The following RIMKLA variants were observed in gnomAD, a reference collection of about 807,000 sequenced individuals.
RIMKLA encodes the protein N-acetylaspartylglutamate synthase A.
Under a neutral mutation model 32.7 loss-of-function variants are expected in RIMKLA, and 14 were observed. That is an observed-to-expected ratio of 0.43 (90% CI 0.28 to 0.67). RIMKLA has a LOEUF of 0.67. Among genes scored for constraint, RIMKLA ranks in the 30% least tolerant of loss-of-function variants. RIMKLA has a pLI of 0.18. For synonymous variants in RIMKLA, 176 were observed against 204.1 expected (o/e 0.86, Z 1.18); for missense variants, 410 against 519.0 (o/e 0.79, Z 2.04).
chr1:42,385,099 C>T (rs148534486), intron 1 of RIMKLA, among the ~76,000 whole-genome samples: 22 of 152,196 alleles, frequency 1.4e-4, no homozygotes, highest in African/African-American at 4.8e-4. Context: ...TATATCCCCC[C>T]TCCCTCTGAA....
At chr1:42,391,511 G>A (rs1046160327) in intron 1 of RIMKLA, among the ~76,000 whole-genome samples, 17 of 152,044 alleles carry the variant, frequency 1.1e-4, no homozygotes, top group Non-Finnish European at 1.3e-4. Context: ...TTGGGGAAGC[G>A]GTGTCATTGG....
chr1:42,400,644 G>A (rs1643089075), intron 2 of RIMKLA, among the ~76,000 whole-genome samples: 1 of 152,214 alleles, frequency 6.6e-6, no homozygotes, highest in South Asian at 2.1e-4. Flanking sequence ...AAATGTGGGA[G>A]GAAAGAAGCT....
At position 42,393,749 on chromosome 1, in the gene RIMKLA, A is replaced by T. The variant is rs927997231; in HGVS notation, c.164-5655A>T. Among the ~76,000 whole-genome samples the T allele has an allele frequency of 5.3e-5, 8 of 152,296 alleles. No individual in the cohort carries two copies. In the East Asian group the frequency reaches 1.4e-3, roughly 26 times the overall value. On this transcript the variant is annotated intron_variant, in intron 1 of 4. Coordinates refer to ENST00000431473, the MANE Select transcript of RIMKLA (RefSeq NM_173642.4). ...TGACACATCTTCCTCACAACACAAG[A>T]TAATCTGAAGTGCTAAGTGGATTAT...
Position 42,422,509 on chromosome 1 carries a change from A to G in RIMKLA, c.*7535A>G, listed in dbSNP as rs1003782923. On this transcript the variant is annotated 3_prime_UTR_variant, in exon 5 of 5. Coordinates refer to ENST00000431473, the MANE Select transcript of RIMKLA (RefSeq NM_173642.4). ...AGCAATAACAGTGTTAACTTCTCCA[A>G]CAGAGACGAAATCATTTATAAATGA... 1 of 152,228 alleles carries G rather than the reference A, an allele frequency of 6.6e-6. No individual in the cohort carries two copies. Among genetic ancestry groups the G allele is most frequent in the Admixed American group, 6.5e-5 (1 of 15,274 alleles). The allele number at this position is 152,228 out of a possible 1,614,324, so 9.4% of individuals were successfully genotyped here.
chr1:42,420,662 A>T lies in RIMKLA; in HGVS notation c.*5688A>T, dbSNP rs1643287921. 6.6e-6 allele frequency: 1 copy of T among 152,200 alleles called. No individual in the cohort carries two copies. The highest frequency in any genetic ancestry group is 6.5e-5 in the Admixed American group (1 of 15,278). 9.4% of individuals were successfully genotyped at this position (152,200 alleles called of 1,614,324 possible). On this transcript the variant is annotated 3_prime_UTR_variant, in exon 5 of 5. Transcript: ENST00000431473. ...AGCGGAATTCGAGTGCCATCTCTTA[A>T]GGTGATGCATTTTTAATTCCCACTG...
At chr1:42,408,158 C>T (rs746728667) in intron 3 of RIMKLA, among the ~76,000 whole-genome samples, 6 of 152,142 alleles carry the variant, frequency 3.9e-5, no homozygotes, top group Non-Finnish European at 5.9e-5. Context: ...GATGCTGCAT[C>T]GTCCACACTT....
chr1:42,385,717 CTCTTTCTTTCTTTCTT>C (rs35500484), intron 1 of RIMKLA, among the ~76,000 whole-genome samples: 9,140 of 108,962 alleles, frequency 0.084, 967 homozygotes, highest in African/African-American at 0.23. Flanking sequence ...TTCTTTCCTT[CTCTTTCTTTCTTTCTT>C]TCTTTCTTTC....
At position 42,381,676 on chromosome 1, in the gene RIMKLA, C is replaced by T. The variant is rs1363720883; in HGVS notation, c.163+579C>T. Reference sequence around the variant, plus strand: ...TTTGATGGGTTTAACTCATCCTTCTCCCTAGCAGCGTTGAATTCTGATTCC... The same window carrying T: ...TTTGATGGGTTTAACTCATCCTTCTTCCTAGCAGCGTTGAATTCTGATTCC... On this transcript the variant is annotated intron_variant, in intron 1 of 4. Transcript: ENST00000431473. Among the ~76,000 whole-genome samples, 4 of 152,192 alleles carry T rather than the reference C, an allele frequency of 2.6e-5. No individual in the cohort carries two copies. The East Asian group carries it at 5.8e-4, about 22-fold the overall frequency.
At position 42,420,552 on chromosome 1, in the gene RIMKLA, C is replaced by T. The variant is rs2148399834; in HGVS notation, c.*5578C>T. 6.6e-6 allele frequency: 1 copy of T among 152,332 alleles called. No individual in the cohort carries two copies. The highest frequency in any genetic ancestry group is 1.9e-4 in the East Asian group (1 of 5,184). 9.4% of individuals were successfully genotyped at this position (152,332 alleles called of 1,614,324 possible). ...TTCCTTTTCTTAATTTGATTCCTGC[C>T]AACACCCTAACCGTCATGACTTCAC... On this transcript the variant is annotated 3_prime_UTR_variant, in exon 5 of 5. Coordinates refer to ENST00000431473, the MANE Select transcript of RIMKLA (RefSeq NM_173642.4).
chr1:42,419,135 T>C lies in RIMKLA; in HGVS notation c.*4161T>C, dbSNP rs1027293308. On this transcript the variant is annotated 3_prime_UTR_variant, in exon 5 of 5. Transcript: ENST00000431473. ...GATTCTTCTAAGGGCTATAATGTTATAATCTTTTCCTAAAACTAAATCATG... is the reference window on the plus strand; with the variant it reads ...GATTCTTCTAAGGGCTATAATGTTACAATCTTTTCCTAAAACTAAATCATG... The C allele has an allele frequency of 1.3e-5, 2 of 152,254 alleles. No homozygotes were observed. Among genetic ancestry groups the C allele is most frequent in the African/African-American group, 2.4e-5 (1 of 41,470 alleles). The allele number at this position is 152,254 out of a possible 1,614,324, so 9.4% of individuals were successfully genotyped here. A position where few individuals can be genotyped will look rare whatever the true frequency, so the allele number is the denominator to read the frequency against.
intron 1 of RIMKLA, among the ~76,000 whole-genome samples, chr1:42,382,433 A>G (rs1642897344): frequency 6.6e-6 from 1 of 152,152 alleles, no homozygotes; most frequent in Non-Finnish European, 1.5e-5. Flanking sequence ...TTGTCTTTGA[A>G]TCTCGGGATT....
intron 1 of RIMKLA, among the ~76,000 whole-genome samples, chr1:42,396,263 A>T (rs985725016): frequency 2.9e-5 from 4 of 140,052 alleles, no homozygotes; most frequent in African/African-American, 1.0e-4. Context: ...AAAAAAAAAG[A>T]ATGTCAGAGC....
intron 1 of RIMKLA, among the ~76,000 whole-genome samples, chr1:42,396,841 A>G (rs533181136): frequency 6.6e-6 from 1 of 152,300 alleles, no homozygotes; most frequent in South Asian, 2.1e-4. Context: ...CACATATATT[A>G]TCTCACTGTG....
chr1:42,381,962 A>C (rs145641971), intron 1 of RIMKLA, among the ~76,000 whole-genome samples: 138 of 152,332 alleles, frequency 9.1e-4, no homozygotes, highest in Non-Finnish European at 1.7e-3. Context: ...AGGACTCAAA[A>C]GGATTTGCGC....
chr1:42,398,207 T>G (rs1643064202), intron 1 of RIMKLA, among the ~76,000 whole-genome samples: 1 of 151,960 alleles, frequency 6.6e-6, no homozygotes, highest in Non-Finnish European at 1.5e-5. Context: ...TCTCCTGGAG[T>G]TTTAGAAGAC....
At chr1:42,411,362 A>C (rs1041891890) in intron 4 of RIMKLA, among the ~76,000 whole-genome samples, 1 of 151,354 alleles carries the variant, frequency 6.6e-6, no homozygotes, top group Non-Finnish European at 1.5e-5. Context: ...AGAGATAATT[A>C]TAAGATAATT....
At position 42,415,454 on chromosome 1, in the gene RIMKLA, C is replaced by A; in HGVS notation, c.*480C>A. 6.5e-6 allele frequency: 1 copy of A among 154,992 alleles called. No homozygotes were observed. Among genetic ancestry groups the A allele is most frequent in the South Asian group, 2.0e-4 (1 of 4,978 alleles). 9.6% of individuals were successfully genotyped at this position (154,992 alleles called of 1,614,324 possible). On this transcript the variant is annotated 3_prime_UTR_variant, in exon 5 of 5. Transcript: ENST00000431473. ...AACACTATTAGAGGATCGATCTCTG[C>A]TCCCCATCAATCACCATCTTGACCA...
rs896477043 is a variant in RIMKLA, at chr1:42,380,890, G to GC, written c.-44dup. On this transcript the variant is annotated 5_prime_UTR_variant, in exon 1 of 5. Coordinates refer to ENST00000431473, the MANE Select transcript of RIMKLA (RefSeq NM_173642.4). Reference sequence around the variant, plus strand: ...CGCCCTACTGAGCGAGCGGCCCGGGGCGCCGAGGGGTCCGCGCCGCGCGGG... The same window carrying GC: ...CGCCCTACTGAGCGAGCGGCCCGGGGCCGCCGAGGGGTCCGCGCCGCGCGGG... 2.1e-5 allele frequency: 26 copies of GC among 1,240,632 alleles called. No homozygotes were observed. In the African/African-American group the frequency reaches 3.5e-4, roughly 16 times the overall value. 76.9% of individuals were successfully genotyped at this position (1,240,632 alleles called of 1,614,324 possible). A position where few individuals can be genotyped will look rare whatever the true frequency, so the allele number is the denominator to read the frequency against.
At chr1:42,382,553 A>G (rs1642898464) in intron 1 of RIMKLA, among the ~76,000 whole-genome samples, 2 of 152,344 alleles carry the variant, frequency 1.3e-5, no homozygotes, top group African/African-American at 4.8e-5. Flanking sequence ...AGTAGTTAAC[A>G]TGTACATCTT....
Sources: allele counts gnomAD v4.1 joint callset (sites outside exome capture counted in the v4.1 genomes callset), GRCh38; gene constraint gnomAD v4.1.1; transcripts MANE v1.5; gene names NCBI Gene and HGNC (gene_info 2026-07-23, HGNC 2026-07-21).